PHF19: variants seen among roughly 807,000 people sequenced by gnomAD.
PHF19 encodes the protein PHD finger protein 19, also known as polycomb like 3.
Under a neutral mutation model 79.8 loss-of-function variants are expected in PHF19, and 21 were observed. The ratio of observed to expected loss-of-function variants is 0.26; its 90% CI spans 0.19 to 0.38. PHF19 has a LOEUF of 0.38. Among genes scored for constraint, PHF19 ranks in the 10% least tolerant of loss-of-function variants. PHF19 has a pLI of 1.00. For missense variants in PHF19, 445 were observed against 744.2 expected (o/e 0.60, Z 4.68); for synonymous variants, 273 against 296.3 (o/e 0.92, Z 0.81).
rs887766321 is a variant in PHF19 at position 120,889,832 on chromosome 9, GAAAA to G, written c.42+4952_42+4955del. Reference sequence around the variant, plus strand: ...GAAAGAGAAAGAAAAAAGAGAAAAAGAAAAAGAAAGAACTAACAAGAAAGAAAGA... The same window carrying G: ...GAAAGAGAAAGAAAAAAGAGAAAAAGAGAAAGAACTAACAAGAAAGAAAGA... On this transcript the variant is annotated intron_variant, in intron 1 of 14. Transcript: ENST00000616568. Among the ~76,000 whole-genome samples the G allele has an allele frequency of 5.9e-5, 9 of 151,924 alleles. No individual in the cohort carries two copies. In the East Asian group the frequency reaches 7.7e-4, roughly 13 times the overall value.
intron 1 of PHF19, among the ~76,000 whole-genome samples, chr9:120,887,020 C>T (rs139674270): frequency 2.6e-3 from 383 of 150,052 alleles, no homozygotes; most frequent in African/African-American, 8.2e-3. Context: ...GAGGCGAGAT[C>T]GCCCCACTGC....
In PHF19 at chr9:120,870,660, A is replaced by G; in HGVS notation, c.269-122T>C. 1.5e-6 allele frequency: 1 copy of G among 646,006 alleles called. No individual in the cohort carries two copies. Among genetic ancestry groups the G allele is most frequent in the Admixed American group, 2.4e-5 (1 of 40,822 alleles). 40.0% of individuals were successfully genotyped at this position (646,006 alleles called of 1,614,324 possible). On this transcript the variant is annotated intron_variant, in intron 3 of 14. Coordinates refer to ENST00000373896, the MANE Select transcript of PHF19 (RefSeq NM_015651.3). The surrounding 1 kb of genome is among the most constrained non-coding windows in gnomAD (Gnocchi z 4.4). ...AGCGCTGGGCCCCACATGCCACCTC[A>G]CTGAATCTCCCCAACCACTCTGAGA...
chr9:120,894,309 A>G (rs1479134247), intron 1 of PHF19, among the ~76,000 whole-genome samples: 1 of 152,224 alleles, frequency 6.6e-6, no homozygotes, highest in Non-Finnish European at 1.5e-5. Flanking sequence ...CAGAAAGGAG[A>G]AACAGGATGG....
In PHF19 at chr9:120,861,961, C is replaced by T. The variant is rs1487851743; in HGVS notation, c.1175G>A (p.Arg392Lys). 1.2e-6 allele frequency: 2 copies of T among 1,613,804 alleles called. No homozygotes were observed. The highest frequency in any genetic ancestry group is 2.7e-5 in the African/African-American group (2 of 74,926). Residue 392 changes from arginine to lysine, a missense_variant, in exon 12 of 15, where the codon AGA becomes AAA. Arg to Lys is a conservative substitution (Grantham distance 26). This residue lies in a region of PHF19 where 83 missense variants were observed against 85.5 expected (regional missense o/e 0.97). Coordinates refer to ENST00000373896, the MANE Select transcript of PHF19 (RefSeq NM_015651.3). Reference sequence around the variant, plus strand: ...CAGCAAAAACTTTGATCTTTTTCTTCTATAAACTCGCCTTTTCTGCTGCTG... The same window carrying T: ...CAGCAAAAACTTTGATCTTTTTCTTTTATAAACTCGCCTTTTCTGCTGCTG... ...EFQQQKRRVYRRKRSKFLLED... is the reference protein window; with the variant it reads ...EFQQQKRRVYKRKRSKFLLED...
At chr9:120,889,122 C>T (rs2046305789) in intron 1 of PHF19, among the ~76,000 whole-genome samples, 1 of 152,122 alleles carries the variant, frequency 6.6e-6, no homozygotes, top group Non-Finnish European at 1.5e-5. Flanking sequence ...GAGCTATTGC[C>T]CACCTTAGGC....
At chr9:120,889,578 G>A (rs2046313188) in intron 1 of PHF19, among the ~76,000 whole-genome samples, 1 of 149,624 alleles carries the variant, frequency 6.7e-6, no homozygotes, top group Non-Finnish European at 1.5e-5. Flanking sequence ...CTGCCTCTAC[G>A]AAAAATTAAA....
Position 120,867,881 on chromosome 9 carries a change from G to A in PHF19, c.615-916C>T, listed in dbSNP as rs73541860. ...TTACATCTGTGGTTCCTTCCACAAT[G>A]CCACGTGCACTCAGCCCAAAGAAGC... is the stretch of plus-strand genomic sequence containing the variant. On this transcript the variant is annotated intron_variant, in intron 6 of 14. Coordinates refer to ENST00000373896, the MANE Select transcript of PHF19 (RefSeq NM_015651.3). 6.8e-3 allele frequency among the ~76,000 whole-genome samples: 1,042 copies of A among 152,280 alleles called. 15 individuals carry two copies. Among genetic ancestry groups the A allele is most frequent in the African/African-American group, 0.024 (986 of 41,532 alleles).
At position 120,857,891 on chromosome 9, in the gene PHF19, C is replaced by G; in HGVS notation, c.*53G>C. On this transcript the variant is annotated 3_prime_UTR_variant, in exon 15 of 15. Transcript: ENST00000373896. ...CTGGAGAAAGCTGGGGAGCCTATGG[C>G]TTCTGCTGCTCCTCCTTTGGTTTTC... The G allele has an allele frequency of 9.1e-7, 1 of 1,103,254 alleles. No individual in the cohort carries two copies. The highest frequency in any genetic ancestry group is 1.3e-6 in the Non-Finnish European group (1 of 764,124). The allele number at this position is 1,103,254 out of a possible 1,614,324, so 68.3% of individuals were successfully genotyped here. A position where few individuals can be genotyped will look rare whatever the true frequency, so the allele number is the denominator to read the frequency against.
intron 1 of PHF19, among the ~76,000 whole-genome samples, chr9:120,889,242 A>G (rs547318566): frequency 3.0e-4 from 45 of 152,282 alleles, no homozygotes; most frequent in African/African-American, 1.0e-3. Context: ...CCTTGCCAAC[A>G]TGGTGAAATC....
chr9:120,873,002 C>T (rs947623598), intron 3 of PHF19, among the ~76,000 whole-genome samples: 1 of 152,174 alleles, frequency 6.6e-6, no homozygotes, highest in African/African-American at 2.4e-5. Flanking sequence ...CTTACCTAAG[C>T]CTCCCAACCA....
At position 120,862,797 on chromosome 9, in the gene PHF19, T is replaced by C; in HGVS notation, c.969-48A>G. 6.3e-7 allele frequency: 1 copy of C among 1,587,644 alleles called. No homozygotes were observed. Reference sequence around the variant, plus strand: ...AGAAGCTCTGGAGTCTGTCAGTCCATCCTCCTGGGGAGTGGGGTCAAGCAT... The same window carrying C: ...AGAAGCTCTGGAGTCTGTCAGTCCACCCTCCTGGGGAGTGGGGTCAAGCAT... On this transcript the variant is annotated intron_variant, in intron 10 of 14. Transcript: ENST00000373896. This position sits in a 1 kb window ranked among gnomAD's most constrained non-coding sequence, Gnocchi z 4.6.
chr9:120,893,827 T>C (rs1177506459), intron 1 of PHF19, among the ~76,000 whole-genome samples: 1 of 152,198 alleles, frequency 6.6e-6, no homozygotes, highest in East Asian at 1.9e-4. Context: ...AGGTGGTCTA[T>C]GGTGAGTTGT....
chr9:120,901,363 T>C, the PHF19 span, among the ~76,000 whole-genome samples: 2 of 152,146 alleles, frequency 1.3e-5, no homozygotes, highest in Non-Finnish European at 2.9e-5. Context: ...CAGCTATTTT[T>C]TTTGTATTTT....
intron 9 of PHF19, 121 bp downstream of exon 9, chr9:120,865,589 G>A (rs1171723594): frequency 2.0e-5 from 25 of 1,260,458 alleles, no homozygotes; most frequent in Admixed American, 6.1e-5. Context: ...TCAGAGGCCT[G>A]GACTCAGGGA....
chr9:120,877,496 C>T (rs1399929065), upstream of PHF19, among the ~76,000 whole-genome samples: 2 of 150,534 alleles, frequency 1.3e-5, no homozygotes, highest in Admixed American at 6.6e-5. Context: ...AGGACCCGGG[C>T]CCCCCGCCGA....
At chr9:120,888,436 C>A (rs575815959) in intron 1 of PHF19, among the ~76,000 whole-genome samples, 1 of 152,324 alleles carries the variant, frequency 6.6e-6, no homozygotes, top group Non-Finnish European at 1.5e-5. Context: ...ATGCAGGCAG[C>A]AACCTGGACA....
chr9:120,860,307 G>C lies in PHF19; in HGVS notation c.1305-122C>G. 1.5e-6 allele frequency: 1 copy of C among 650,478 alleles called. No homozygotes were observed. The highest frequency in any genetic ancestry group is 2.8e-6 in the Non-Finnish European group (1 of 353,270). The allele number at this position is 650,478 out of a possible 1,614,324, so 40.3% of individuals were successfully genotyped here. On this transcript the variant is annotated intron_variant, in intron 13 of 14. Coordinates refer to ENST00000373896, the MANE Select transcript of PHF19 (RefSeq NM_015651.3). The surrounding 1 kb of genome is among the most constrained non-coding windows in gnomAD (Gnocchi z 4.1). ...AGTGGAGGCCCGTCTTCCCACAGCT[G>C]AGCTTCCCACCACCACACCTGTCTG...
Position 120,862,548 on chromosome 9 carries a change from T to C in PHF19, c.1130+40A>G, listed in dbSNP as rs200868543. 1 of 1,594,574 alleles carries C rather than the reference T, an allele frequency of 6.3e-7. No individual in the cohort carries two copies. Among genetic ancestry groups the C allele is most frequent in the East Asian group, 2.2e-5 (1 of 44,646 alleles). On this transcript the variant is annotated intron_variant, in intron 11 of 14. Coordinates refer to ENST00000373896, the MANE Select transcript of PHF19 (RefSeq NM_015651.3). This position sits in a 1 kb window ranked among gnomAD's most constrained non-coding sequence, Gnocchi z 4.6. ...CTTGCTTGGAAGCAGAGAAACCGAG[T>C]TTGGCGGCAGCCCTGGCCCCTGGGT...
At chr9:120,898,594 C>T (rs114865900), upstream of PHF19, among the ~76,000 whole-genome samples, 1,473 of 152,326 alleles carry the variant, frequency 9.7e-3, 26 homozygotes, top group African/African-American at 0.034. Context: ...AACTGGATGT[C>T]ACAGCTGATA....
Sources: allele counts gnomAD v4.1 joint callset (sites outside exome capture counted in the v4.1 genomes callset), GRCh38; gene constraint gnomAD v4.1.1; regional missense constraint gnomAD v4.1.1; non-coding constraint Gnocchi (gnomAD v3.1); transcripts MANE v1.5; gene names NCBI Gene and HGNC (gene_info 2026-07-23, HGNC 2026-07-21).